Variants in BICC1 observed in about 807,000 individuals in gnomAD.
The protein encoded by BICC1 is BicC family RNA binding protein 1.
Under a neutral mutation model 111.0 loss-of-function variants are expected in BICC1, and 43 were observed. That is an observed-to-expected ratio of 0.39 (90% CI 0.30 to 0.50). The LOEUF (loss-of-function observed/expected upper bound fraction) is 0.50, where lower values mean the gene tolerates loss of function less well. Among genes scored for constraint, BICC1 ranks in the 20% least tolerant of loss-of-function variants. The probability of loss-of-function intolerance (pLI) is 0.88; values close to 1 mark genes in which losing one functional copy is unlikely to be tolerated. For missense variants in BICC1, 1,091 were observed against 1,203.2 expected (o/e 0.91, Z 1.38); for synonymous variants, 467 against 434.4 (o/e 1.07, Z -0.93).
intron 2 of BICC1, among the ~76,000 whole-genome samples, chr10:58,652,845 C>T (rs574286079): frequency 9.2e-5 from 14 of 152,168 alleles, no homozygotes; most frequent in Non-Finnish European, 1.8e-4. Flanking sequence ...AAGCACTGCA[C>T]CTAGCACAGA....
In BICC1 at chr10:58,753,785, A is replaced by G. The variant is rs1008366979; in HGVS notation, c.308-31216A>G. On this transcript the variant is annotated intron_variant, in intron 3 of 20. Transcript: ENST00000373886. ...TTCTATTCTTTTCCATTTTTCTCTTACACTTTGTAATATACCTTGATATAT... is the reference window on the plus strand; with the variant it reads ...TTCTATTCTTTTCCATTTTTCTCTTGCACTTTGTAATATACCTTGATATAT... Among the ~76,000 whole-genome samples, 12 of 151,560 alleles carry G rather than the reference A, an allele frequency of 7.9e-5. 2 individuals carry two copies.
chr10:58,741,602 T>A (rs972155717), intron 3 of BICC1, among the ~76,000 whole-genome samples: 4 of 152,226 alleles, frequency 2.6e-5, no homozygotes, highest in Non-Finnish European at 5.9e-5. Context: ...GCTTACTTTT[T>A]TATTTTAAAA....
At chr10:58,717,871 C>G (rs1382753819) in intron 3 of BICC1, among the ~76,000 whole-genome samples, 1 of 152,108 alleles carries the variant, frequency 6.6e-6, no homozygotes, top group Non-Finnish European at 1.5e-5. Flanking sequence ...GAAAGAGAAA[C>G]AATTGTTCTT....
rs1036275899 is a variant in BICC1 at position 58,648,606 on chromosome 10, T to A, written c.237+27705T>A. 4 of 984,776 alleles carry A rather than the reference T, an allele frequency of 4.1e-6. No individual in the cohort carries two copies. The Admixed American group carries it at 1.8e-4, about 45-fold the overall frequency. 61.0% of individuals were successfully genotyped at this position (984,776 alleles called of 1,614,324 possible). A position where few individuals can be genotyped will look rare whatever the true frequency, so the allele number is the denominator to read the frequency against. On this transcript the variant is annotated intron_variant, in intron 2 of 20. Coordinates refer to ENST00000373886, the MANE Select transcript of BICC1 (RefSeq NM_001080512.3). ...GTGCCTCTCTCTCTCTCTTTCTCTCTCTCTTTCTCTCTTACAGAGACACAC... is the reference window on the plus strand; with the variant it reads ...GTGCCTCTCTCTCTCTCTTTCTCTCACTCTTTCTCTCTTACAGAGACACAC...
intron 2 of BICC1, among the ~76,000 whole-genome samples, chr10:58,685,026 T>C (rs967207467): frequency 1.3e-5 from 2 of 152,254 alleles, no homozygotes; most frequent in Middle Eastern, 3.2e-3. Context: ...AATTTCCCTC[T>C]ACACACTGCT....
At chr10:58,534,393 A>G (rs1381050281) in intron 1 of BICC1, among the ~76,000 whole-genome samples, 1 of 151,764 alleles carries the variant, frequency 6.6e-6, no homozygotes, top group Non-Finnish European at 1.5e-5. Context: ...CCCACAGGAA[A>G]CACTGAACCT....
chr10:58,720,451 G>C, intron 3 of BICC1, among the ~76,000 whole-genome samples: 2 of 152,256 alleles, frequency 1.3e-5, no homozygotes, highest in South Asian at 4.1e-4. Context: ...CCTTTAAAGT[G>C]GCATTGTTTG....
intron 10 of BICC1, among the ~76,000 whole-genome samples, 200 bp from the exon 11 acceptor site, chr10:58,798,199 T>A (rs1319492846): frequency 1.3e-5 from 2 of 152,192 alleles, no homozygotes; most frequent in Non-Finnish European, 2.9e-5. Context: ...AGCAACTCTT[T>A]GTGGATAAGC....
At chr10:58,536,146 A>C (rs1842820799) in intron 1 of BICC1, among the ~76,000 whole-genome samples, 2 of 151,708 alleles carry the variant, frequency 1.3e-5, no homozygotes, top group South Asian at 4.1e-4. Flanking sequence ...CTTTCACTCC[A>C]CTGGCAGCAC....
intron 3 of BICC1, among the ~76,000 whole-genome samples, chr10:58,781,666 A>G (rs1842887871): frequency 6.6e-6 from 1 of 152,142 alleles, no homozygotes; most frequent in South Asian, 2.1e-4. Flanking sequence ...TCTGTCAAGT[A>G]TTTGCAGAGT....
At chr10:58,574,050 T>G (rs961278845) in intron 1 of BICC1, among the ~76,000 whole-genome samples, 1 of 152,038 alleles carries the variant, frequency 6.6e-6, no homozygotes, top group Non-Finnish European at 1.5e-5. Flanking sequence ...CTCTGGAGTG[T>G]GAGCCTCCCT....
At chr10:58,748,736 C>T (rs182176650) in intron 3 of BICC1, among the ~76,000 whole-genome samples, 217 of 152,142 alleles carry the variant, frequency 1.4e-3, no homozygotes, top group African/African-American at 5.0e-3. Context: ...CTCGAATGTT[C>T]GTCAGAATCA....
intron 2 of BICC1, among the ~76,000 whole-genome samples, chr10:58,623,636 T>A (rs1845896127): frequency 6.6e-6 from 1 of 152,210 alleles, no homozygotes; most frequent in Non-Finnish European, 1.5e-5. Flanking sequence ...TGTCCCATGC[T>A]GTCATTCAGT....
intron 1 of BICC1, among the ~76,000 whole-genome samples, chr10:58,543,797 C>G (rs1285296263): frequency 2.7e-5 from 4 of 145,906 alleles, no homozygotes; most frequent in African/African-American, 5.1e-5. Flanking sequence ...GTGTGAACCA[C>G]TATGCCTGGC....
chr10:58,717,875 T>A (rs1468324125), intron 3 of BICC1, among the ~76,000 whole-genome samples: 2 of 152,160 alleles, frequency 1.3e-5, no homozygotes, highest in Non-Finnish European at 1.5e-5. Context: ...GAGAAACAAT[T>A]GTTCTTGCTC....
intron 2 of BICC1, among the ~76,000 whole-genome samples, chr10:58,679,590 C>T (rs1839451526): frequency 6.6e-6 from 1 of 152,136 alleles, no homozygotes; most frequent in South Asian, 2.1e-4. Context: ...GATTCACAGC[C>T]GAATTGTACC....
At chr10:58,771,169 A>T (rs1002506131) in intron 3 of BICC1, among the ~76,000 whole-genome samples, 3 of 152,158 alleles carry the variant, frequency 2.0e-5, no homozygotes, top group Non-Finnish European at 4.4e-5. Context: ...AGGGTGATTG[A>T]TTGCCCAAAG....
chr10:58,791,533 C>G (rs1167409751), intron 8 of BICC1, among the ~76,000 whole-genome samples: 2 of 152,118 alleles, frequency 1.3e-5, no homozygotes, highest in Non-Finnish European at 2.9e-5. Context: ...GTCAGGAGTT[C>G]AAGACCAGCC....
At chr10:58,516,965 AG>A (rs1228337244) in intron 1 of BICC1, among the ~76,000 whole-genome samples, 1 of 152,202 alleles carries the variant, frequency 6.6e-6, no homozygotes, top group Non-Finnish European at 1.5e-5. Context: ...CAGAGTACTG[AG>A]GCAATCACAG....
Sources: allele counts gnomAD v4.1 joint callset (sites outside exome capture counted in the v4.1 genomes callset), GRCh38; gene constraint gnomAD v4.1.1; transcripts MANE v1.5; gene names NCBI Gene and HGNC (gene_info 2026-07-23, HGNC 2026-07-21).